Variants in ANKRD35 observed in about 807,000 individuals in gnomAD.
The protein encoded by ANKRD35 is ankyrin repeat domain 35, also known as ankyrin repeat domain-containing protein 35.
ANKRD35 carries 102 observed loss-of-function variants against 109.9 expected under a neutral mutation model. The ratio of observed to expected loss-of-function variants is 0.93; its 90% CI spans 0.79 to 1.09. The LOEUF is 1.09. ANKRD35 is among the 50% of genes least tolerant of loss of function. The probability of loss-of-function intolerance (pLI) is 0.00; values close to 1 mark genes in which losing one functional copy is unlikely to be tolerated. For missense variants in ANKRD35, 1,240 were observed against 1,230.1 expected (o/e 1.01, Z -0.12); for synonymous variants, 515 against 512.4 (o/e 1.01, Z -0.07).
Position 145,872,164 on chromosome 1 carries a change from G to C in ANKRD35, c.2605C>G (p.Arg869Gly), listed in dbSNP as rs781799334. 20 of 1,609,048 alleles carry C rather than the reference G, an allele frequency of 1.2e-5. No homozygotes were observed. The highest frequency in any genetic ancestry group is 1.7e-5 in the Non-Finnish European group (20 of 1,177,848). ...KYNTACREVG[R>G]LREAVAEERR... ...TCCTCGGCCACCGCCTCCCGCAGCC[G>C]ACCCACTTCCCGGCAGGCCGTATTA... Residue 869 changes from arginine to glycine, a missense_variant, in exon 10 of 14, where the codon CGG (arginine) becomes GGG (glycine). Arg to Gly is a moderately radical substitution (Grantham distance 125). Transcript: ENST00000355594.
rs1553740550 is a variant in ANKRD35, at chr1:145,878,447, T to C, written c.203A>G (p.Glu68Gly). Residue 68 changes from glutamate (E) to glycine (G), a missense_variant, in exon 3 of 14, where the codon GAA becomes GGA. Transcript: ENST00000355594. ...FHLAASKGLT[E>G]CLTILLANGA... Reference sequence around the variant, plus strand: ...ATTTGCAAGCAGGATAGTCAGACATTCTGTCAGGCCTTTGGAGGCTGCCAG... The same window carrying C: ...ATTTGCAAGCAGGATAGTCAGACATCCTGTCAGGCCTTTGGAGGCTGCCAG... 1 of 1,572,456 alleles carries C rather than the reference T, an allele frequency of 6.4e-7. No individual in the cohort carries two copies. The highest frequency in any genetic ancestry group is 1.4e-5 in the African/African-American group (1 of 74,004).
chr1:145,870,108 T>TTTTTTTA (rs1384696509), intron 10 of ANKRD35, among the ~76,000 whole-genome samples: 1 of 151,172 alleles, frequency 6.6e-6, no homozygotes, highest in African/African-American at 2.4e-5. Context: ...TTTTTTTTTT[T>TTTTTTTA]GAGGCAGAAT....
chr1:145,872,286 T>C lies in ANKRD35; in HGVS notation c.2483A>G (p.Glu828Gly). The change falls in exon 10 of 14, where the codon GAG becomes GGG. Residue 828 changes from glutamate to glycine, a missense_variant. Glu to Gly is a moderately conservative substitution (Grantham distance 98). Transcript: ENST00000355594. ...CTCGTGTTGCCGTAGGCTGGCTGCC[T>C]CCCGGGCCCTTAGCTCAGCCACTTC... ...TEEVAELRAREAASLRQHEKT... is the reference protein window; with the variant it reads ...TEEVAELRARGAASLRQHEKT... The C allele has an allele frequency of 1.2e-6, 2 of 1,612,242 alleles. No individual in the cohort carries two copies. The highest frequency in any genetic ancestry group is 1.7e-6 in the Non-Finnish European group (2 of 1,179,330).
chr1:145,868,426 C>A (rs782329539), intron 10 of ANKRD35, 26 bp from the exon 11 acceptor site: 3 of 1,605,096 alleles, frequency 1.9e-6, no homozygotes, highest in South Asian at 1.1e-5. Context: ...AAGAGGCAAC[C>A]AATGAGGCTC....
intron 1 of ANKRD35, among the ~76,000 whole-genome samples, chr1:145,882,761 G>A (rs1438690165): frequency 6.6e-6 from 1 of 152,158 alleles, no homozygotes; most frequent in African/African-American, 2.4e-5. Context: ...GATCCAGTCT[G>A]TAGCTTACCC....
intron 2 of ANKRD35, 33 bp downstream of exon 2, chr1:145,879,225 A>G: frequency 1.3e-6 from 2 of 1,541,070 alleles, no homozygotes; most frequent in Non-Finnish European, 1.8e-6. Flanking sequence ...AGGGAGCCAC[A>G]TGTAAGGGGC....
At chr1:145,878,306 T>C in intron 3 of ANKRD35, 85 bp downstream of exon 3, 1 of 1,368,404 alleles carries the variant, frequency 7.3e-7, no homozygotes, top group Non-Finnish European at 1.0e-6. Context: ...ACAGTAGGAA[T>C]GTCCAGCAGG....
At position 145,872,068 on chromosome 1, in the gene ANKRD35, G is replaced by A. The variant is rs1653843168; in HGVS notation, c.2701C>T (p.Arg901Cys). 6.2e-7 allele frequency: 1 copy of A among 1,613,552 alleles called. No homozygotes were observed. The change falls in exon 10 of 14, where the codon CGC becomes TGC. Residue 901 changes from arginine to cysteine, a missense_variant. Physicochemically the swap from Arg to Cys is radical, Grantham distance 180. Transcript: ENST00000355594. ...GCCGTTTTCTCAAACTGCTCGGAGCGCCCCCGCATCTCGCTGGCCTGGCGC... is the reference window on the plus strand; with the variant it reads ...GCCGTTTTCTCAAACTGCTCGGAGCACCCCCGCATCTCGCTGGCCTGGCGC... ...QERQASEMRG[R>C]SEQFEKTAEL... is the part of the protein sequence containing the mutation.
At position 145,873,751 on chromosome 1, in the gene ANKRD35, G is replaced by A. The variant is rs139709279; in HGVS notation, c.1018C>T (p.Gln340Ter). 3.3e-4 allele frequency: 534 copies of A among 1,612,926 alleles called. No homozygotes were observed. Among genetic ancestry groups the A allele is most frequent in the Non-Finnish European group, 4.1e-4 (486 of 1,179,508 alleles). Residue 340 changes from glutamine (Q) to a stop codon, truncating the protein, a stop_gained, in exon 10 of 14, where the codon CAG becomes TAG. Transcript: ENST00000355594. LOFTEE classifies it high-confidence loss of function. ...AGGAGGACCCCTAGCTCCTGCGCCT[G>A]CTCTCGAATCTGGTTCTCAAGGTCC... ...YLDLENQIRE[Q>*]AQELGVLLSW... is the part of the protein sequence containing the mutation.
chr1:145,868,496 G>T, intron 10 of ANKRD35, 96 bp from the exon 11 acceptor site: 1 of 975,038 alleles, frequency 1.0e-6, no homozygotes, highest in Non-Finnish European at 1.6e-6. Flanking sequence ...TTTAATATGT[G>T]CCAATTTTAT....
In ANKRD35 at chr1:145,873,629, C is replaced by T. The variant is rs781824291; in HGVS notation, c.1140G>A (p.Glu380=). The T allele has an allele frequency of 6.2e-7, 1 of 1,614,076 alleles. No individual in the cohort carries two copies. The highest frequency in any genetic ancestry group is 8.5e-7 in the Non-Finnish European group (1 of 1,180,014). Residue 380 remains glutamate (E), a synonymous_variant, in exon 10 of 14, where the codon GAG becomes GAA. Coordinates refer to ENST00000355594, the MANE Select transcript of ANKRD35 (RefSeq NM_144698.5). ...GCTGCTTCTTTAGCTCTTGTGTACT[C>T]TCAGCCAGCAGGTCCTTAGGACAAC... ...EQGCPKDLLA[E]STQELKKQQQ...
At chr1:145,868,773 A>T (rs587724406) in intron 10 of ANKRD35, among the ~76,000 whole-genome samples, 2 of 152,328 alleles carry the variant, frequency 1.3e-5, no homozygotes, top group South Asian at 2.1e-4. Context: ...CTCATGTTTT[A>T]AAGTGCAAAC....
intron 1 of ANKRD35, among the ~76,000 whole-genome samples, chr1:145,883,820 T>C (rs1553741505): frequency 6.6e-6 from 1 of 152,262 alleles, no homozygotes; most frequent in African/African-American, 2.4e-5. Context: ...AATCTGCAGC[T>C]GAAACTGCCC....
At chr1:145,880,022 C>T (rs1553740842) in intron 1 of ANKRD35, among the ~76,000 whole-genome samples, 1 of 152,184 alleles carries the variant, frequency 6.6e-6, no homozygotes, top group African/African-American at 2.4e-5. Flanking sequence ...GACCGTCTCT[C>T]TCCTTTCCAT....
At chr1:145,875,920 C>T (rs1374601669) in intron 7 of ANKRD35, among the ~76,000 whole-genome samples, 3 of 152,090 alleles carry the variant, frequency 2.0e-5, no homozygotes, top group Non-Finnish European at 2.9e-5. Context: ...CCAGAAGTGT[C>T]GATTCTACTT....
intron 10 of ANKRD35, 97 bp downstream of exon 10, chr1:145,871,885 C>A: frequency 6.8e-7 from 1 of 1,465,966 alleles, no homozygotes; most frequent in South Asian, 1.2e-5. Flanking sequence ...TTAATCTGAC[C>A]CACTGCTGCA....
chr1:145,879,367 C>A lies in ANKRD35; in HGVS notation c.61G>T (p.Asp21Tyr). 1 of 1,590,960 alleles carries A rather than the reference C, an allele frequency of 6.3e-7. No homozygotes were observed. Residue 21 changes from aspartate to tyrosine, a missense_variant, in exon 2 of 14, where the codon GAT (aspartate) becomes TAT (tyrosine). Coordinates refer to ENST00000355594, the MANE Select transcript of ANKRD35 (RefSeq NM_144698.5). The stretch of plus-strand genomic sequence containing the variant: ...TGCACTGCCTCCAGCAGCTTCTGAT[C>A]ATGGCGGTTCCATCTCTCCACCTGG... ...QVAVERWNRH[D>Y]QKLLEAVHRG...
At chr1:145,881,096 G>A (rs1553741034) in intron 1 of ANKRD35, among the ~76,000 whole-genome samples, 1 of 152,174 alleles carries the variant, frequency 6.6e-6, no homozygotes. Context: ...GACCAGCTTG[G>A]CCAACATGGT....
In ANKRD35 at chr1:145,872,541, G is replaced by GC; in HGVS notation, c.2227dup (p.Ala743GlyfsTer23). 1 of 1,607,090 alleles carries GC rather than the reference G, an allele frequency of 6.2e-7. No individual in the cohort carries two copies. The highest frequency in any genetic ancestry group is 1.7e-5 in the Admixed American group (1 of 58,626). On this transcript the variant is annotated frameshift_variant, in exon 10 of 14. Transcript: ENST00000355594. LOFTEE classifies it high-confidence loss of function. ...TTGCAGCCGAGCCAGCACCTGCTGG[G>GC]CCTCCCGGTGCCGATCCACCAGGGT...
Sources: allele counts gnomAD v4.1 joint callset (sites outside exome capture counted in the v4.1 genomes callset), GRCh38; gene constraint gnomAD v4.1.1; transcripts MANE v1.5; gene names NCBI Gene and HGNC (gene_info 2026-07-23, HGNC 2026-07-21).